Variants in NT5C3A observed in about 807,000 individuals in gnomAD.
The protein encoded by NT5C3A is cytosolic 5'-nucleotidase 3A.
A neutral mutation model predicts 40.0 loss-of-function variants in NT5C3A; 23 were observed. The observed-to-expected ratio is 0.58, with a 90% CI of 0.41 to 0.81. The LOEUF (loss-of-function observed/expected upper bound fraction) is 0.81. Ranked by LOEUF, NT5C3A falls within the 40% of genes least tolerant of loss-of-function variation. The pLI is 0.00. For missense variants in NT5C3A, 328 were observed against 403.0 expected, an observed-to-expected ratio of 0.81 and a Z score of 1.59; for synonymous variants, 130 against 141.4, an observed-to-expected ratio of 0.92 and a Z score of 0.57.
chr7:33,041,003 C>T (rs563716592), intron 1 of NT5C3A: 6 of 985,454 alleles, frequency 6.1e-6, no homozygotes, highest in Admixed American at 6.1e-5. Flanking sequence ...AACCTTGTGA[C>T]GCACTGCTGC....
intron 6 of NT5C3A, among the ~76,000 whole-genome samples, chr7:33,018,546 A>C (rs1223159207): frequency 6.6e-6 from 1 of 152,226 alleles, no homozygotes; most frequent in Admixed American, 6.5e-5. Context: ...ACGAGGTAAT[A>C]AACAGTATTA....
intron 2 of NT5C3A, among the ~76,000 whole-genome samples, chr7:33,025,156 TTAAA>T (rs916094179): frequency 2.0e-5 from 3 of 151,856 alleles, no homozygotes; most frequent in Non-Finnish European, 4.4e-5. Context: ...TAAAACAAAA[TTAAA>T]TAAATAAAAA....
intron 1 of NT5C3A, among the ~76,000 whole-genome samples, chr7:33,032,588 T>C (rs973171468): frequency 6.6e-6 from 1 of 151,018 alleles, no homozygotes; most frequent in Non-Finnish European, 1.5e-5. Flanking sequence ...CTCAAGTAAC[T>C]GGGACTACAG....
chr7:33,033,634 T>C (rs1218160666), intron 1 of NT5C3A, among the ~76,000 whole-genome samples: 4 of 152,058 alleles, frequency 2.6e-5, no homozygotes, highest in African/African-American at 9.7e-5. Context: ...TTTCTTCTTC[T>C]GGGGTCAAAG....
chr7:33,054,079 G>C (rs1787476552), intron 1 of NT5C3A, among the ~76,000 whole-genome samples: 1 of 151,792 alleles, frequency 6.6e-6, no homozygotes, highest in Non-Finnish European at 1.5e-5. Context: ...TAATGGGCTG[G>C]GCATGGTGGC....
chr7:33,016,867 GT>G (rs1406151764), intron 7 of NT5C3A, among the ~76,000 whole-genome samples: 2 of 151,910 alleles, frequency 1.3e-5, no homozygotes, highest in African/African-American at 4.8e-5. Flanking sequence ...AGGCTTCAAA[GT>G]TGCTGCATTA....
intron 4 of NT5C3A, among the ~76,000 whole-genome samples, 176 bp from the exon 5 acceptor site, chr7:33,021,533 T>C (rs1246194654): frequency 6.6e-6 from 1 of 152,204 alleles, no homozygotes; most frequent in East Asian, 1.9e-4. Context: ...CAAATATACC[T>C]GCAAAAAGCT....
At chr7:33,041,178 C>T in intron 1 of NT5C3A, 8 of 978,480 alleles carry the variant, frequency 8.2e-6, no homozygotes, top group Non-Finnish European at 9.7e-6. Flanking sequence ...GGAACCTCTA[C>T]ACTAACACTT....
At chr7:33,055,781 T>TG (rs988950015) in intron 1 of NT5C3A, among the ~76,000 whole-genome samples, 2 of 152,210 alleles carry the variant, frequency 1.3e-5, no homozygotes, top group Non-Finnish European at 2.9e-5. Flanking sequence ...GCCACTGTTT[T>TG]GGGGTCTCTC....
At chr7:33,044,891 T>A (rs2128012337) in intron 1 of NT5C3A, among the ~76,000 whole-genome samples, 1 of 152,308 alleles carries the variant, frequency 6.6e-6, no homozygotes, top group Non-Finnish European at 1.5e-5. Context: ...GTCTTTAACA[T>A]TGAGACAGGG....
intron 1 of NT5C3A, among the ~76,000 whole-genome samples, chr7:33,030,403 AAAT>A (rs1786179566): frequency 6.6e-6 from 1 of 152,238 alleles, no homozygotes; most frequent in South Asian, 2.1e-4. Context: ...GGTGGCATAT[AAAT>A]AATGATACTT....
At chr7:33,035,920 A>G in intron 1 of NT5C3A, 2 of 1,603,542 alleles carry the variant, frequency 1.2e-6, no homozygotes, top group Non-Finnish European at 1.7e-6. Flanking sequence ...AACTGGAAAT[A>G]GGCAAATACC....
chr7:33,062,102 G>A (rs941486343), intron 1 of NT5C3A, among the ~76,000 whole-genome samples: 2 of 152,108 alleles, frequency 1.3e-5, no homozygotes, highest in African/African-American at 2.4e-5. Flanking sequence ...ACTCACGGCA[G>A]CCCCAACATA....
At chr7:33,037,586 T>G (rs531632770) in intron 1 of NT5C3A, among the ~76,000 whole-genome samples, 1 of 152,166 alleles carries the variant, frequency 6.6e-6, no homozygotes, top group Admixed American at 6.5e-5. Context: ...CGGTCCCTAC[T>G]CCCTTCCATT....
At chr7:33,029,803 G>GCGGGGAGATCACT in intron 1 of NT5C3A, 1 of 780,918 alleles carries the variant, frequency 1.3e-6, no homozygotes, top group Non-Finnish European at 1.9e-6. Flanking sequence ...CTGGGCTCAA[G>GCGGGGAGATCACT]TGATCTCCCC....
In NT5C3A at chr7:33,014,185, G is replaced by A; in HGVS notation, c.*545C>T. On this transcript the variant is annotated 3_prime_UTR_variant, in exon 9 of 9. Transcript: ENST00000610140. ...TCAGTGCTTCAATATAGAATGTTTT[G>A]TAATGATTAGCAACATTGTAAACAC... The A allele has an allele frequency of 2.2e-6, 1 of 453,940 alleles. No individual in the cohort carries two copies. Among genetic ancestry groups the A allele is most frequent in the Non-Finnish European group, 4.4e-6 (1 of 226,634 alleles). The allele number at this position is 453,940 out of a possible 1,614,324, so 28.1% of individuals were successfully genotyped here.
intron 1 of NT5C3A, among the ~76,000 whole-genome samples, chr7:33,045,577 A>C (rs1484245082): frequency 6.6e-6 from 1 of 151,346 alleles, no homozygotes; most frequent in Non-Finnish European, 1.5e-5. Context: ...CTTCTGCCTC[A>C]GCCTCCCGAG....
chr7:33,023,879 G>GA (rs1220333731), intron 3 of NT5C3A, 160 bp downstream of exon 3: 21 of 613,790 alleles, frequency 3.4e-5, no homozygotes, highest in South Asian at 2.1e-4. Context: ...TATAATATGG[G>GA]AAAAAAAACC....
intron 1 of NT5C3A, among the ~76,000 whole-genome samples, chr7:33,049,661 A>T (rs4723241): frequency 0.69 from 104,605 of 151,866 alleles, 36,282 homozygotes; most frequent in Admixed American, 0.72. Context: ...GCTTAGAAAG[A>T]CATCAAAATT....
Sources: gnomAD v4.1 joint callset for allele counts (sites outside exome capture counted in the v4.1 genomes callset) on GRCh38, gnomAD v4.1.1 for gene constraint, MANE v1.5 for transcripts, NCBI Gene and HGNC (gene_info 2026-07-23, HGNC 2026-07-21) for gene names.